Variants in MCPH1 observed in about 807,000 individuals in gnomAD.
The protein encoded by MCPH1 is microcephalin.
Under a neutral mutation model 84.5 loss-of-function variants are expected in MCPH1, and 104 were observed. The observed-to-expected ratio is 1.23, with a 90% CI of 1.05 to 1.45. MCPH1 has a LOEUF of 1.45. MCPH1 is among the 40% of genes most tolerant of loss of function. The probability of loss-of-function intolerance (pLI) is 0.00; values close to 1 mark genes in which losing one functional copy is unlikely to be tolerated. For synonymous variants in MCPH1, 514 were observed against 366.8 expected (o/e 1.40, Z -4.58); for missense variants, 1,498 against 1,005.7 (o/e 1.49, Z -6.62).
chr8:6,604,159 T>C (rs1382317840), intron 12 of MCPH1, among the ~76,000 whole-genome samples: 2 of 151,074 alleles, frequency 1.3e-5, no homozygotes, highest in Admixed American at 1.3e-4. Flanking sequence ...GCCCCCATGC[T>C]GTCATAGGCC....
intron 9 of MCPH1, among the ~76,000 whole-genome samples, chr8:6,464,638 AG>A (rs1806650101): frequency 6.6e-6 from 1 of 152,166 alleles, no homozygotes; most frequent in African/African-American, 2.4e-5. Flanking sequence ...CCACCGACGG[AG>A]GACATTTCCC....
chr8:6,423,185 C>CTTTTTTTTTTTTTTTT, intron 3 of MCPH1, among the ~76,000 whole-genome samples: 1 of 110,786 alleles, frequency 9.0e-6, no homozygotes, highest in Non-Finnish European at 1.9e-5. Flanking sequence ...TTTTTCTTTT[C>CTTTTTTTTTTTTTTTT]TTTTCTTTTT....
intron 12 of MCPH1, chr8:6,520,031 T>G (rs945918287): frequency 3.0e-5 from 48 of 1,606,634 alleles, no homozygotes; most frequent in Admixed American, 1.0e-4. Flanking sequence ...ACGGAGTTCA[T>G]GAAAAGACAA....
chr8:6,491,308 T>C (rs943521091), intron 11 of MCPH1, among the ~76,000 whole-genome samples: 2 of 151,322 alleles, frequency 1.3e-5, no homozygotes, highest in African/African-American at 2.4e-5. Context: ...TCCAGAATAA[T>C]GTCTCACTTA....
At chr8:6,422,114 A>T (rs1273615188) in intron 3 of MCPH1, among the ~76,000 whole-genome samples, 1 of 152,154 alleles carries the variant, frequency 6.6e-6, no homozygotes, top group Non-Finnish European at 1.5e-5. Context: ...TGACTGCTTT[A>T]TCTGTCTGTG....
chr8:6,558,277 G>C (rs867042344), intron 12 of MCPH1, among the ~76,000 whole-genome samples: 1 of 152,140 alleles, frequency 6.6e-6, no homozygotes, highest in African/African-American at 2.4e-5. Flanking sequence ...GGAAGACTGG[G>C]GAAAGAGAAT....
chr8:6,449,208 GA>G (rs1386330779), intron 8 of MCPH1, among the ~76,000 whole-genome samples: 2 of 152,212 alleles, frequency 1.3e-5, no homozygotes, highest in Non-Finnish European at 2.9e-5. Context: ...TTGCTTAGAA[GA>G]CGCTGATGGA....
intron 13 of MCPH1, among the ~76,000 whole-genome samples, chr8:6,638,118 TCA>T (rs1797688812): frequency 6.7e-6 from 1 of 149,862 alleles, no homozygotes; most frequent in East Asian, 2.1e-4. Flanking sequence ...CAGATGAAAA[TCA>T]CACAGCAGGC....
chr8:6,460,611 C>G (rs1262121564), intron 9 of MCPH1, among the ~76,000 whole-genome samples: 1 of 152,094 alleles, frequency 6.6e-6, no homozygotes, highest in Non-Finnish European at 1.5e-5. Flanking sequence ...TTTGAAATAA[C>G]TCCCTTTTCT....
Position 6,431,494 on chromosome 8 carries a change from T to C in MCPH1, c.234-5T>C. The stretch of plus-strand genomic sequence containing the variant: ...TCATTAGACTACCTTAATTTAATTA[T>C]ACAGATGCAGGACAGCTGGAGCACA... On this transcript the variant is annotated splice_region_variant and splice_polypyrimidine_tract_variant and intron_variant, in intron 3 of 13. Transcript: ENST00000344683. 4 of 1,610,280 alleles carry C rather than the reference T, an allele frequency of 2.5e-6. No individual in the cohort carries two copies. The highest frequency in any genetic ancestry group is 3.4e-6 in the Non-Finnish European group (4 of 1,176,722).
intron 12 of MCPH1, chr8:6,520,136 AG>A (rs1817036583): frequency 1.1e-6 from 1 of 889,650 alleles, no homozygotes; most frequent in South Asian, 2.4e-5. Flanking sequence ...TAACCTTTCT[AG>A]AAAGTTTCCT....
chr8:6,458,462 A>AC (rs1805931527), intron 9 of MCPH1, among the ~76,000 whole-genome samples: 1 of 134,796 alleles, frequency 7.4e-6, no homozygotes, highest in African/African-American at 3.0e-5. Context: ...ACAGAGTGAG[A>AC]CTCCTTCTCA....
chr8:6,565,514 C>T (rs768248453), intron 12 of MCPH1, among the ~76,000 whole-genome samples: 5 of 152,162 alleles, frequency 3.3e-5, no homozygotes, highest in Non-Finnish European at 5.9e-5. Context: ...TCTTGCTTGG[C>T]CTCCCAAAGT....
At chr8:6,533,447 C>T (rs1819908981) in intron 12 of MCPH1, among the ~76,000 whole-genome samples, 1 of 152,058 alleles carries the variant, frequency 6.6e-6, no homozygotes, top group African/African-American at 2.4e-5. Context: ...CTTTTGGGAC[C>T]CTAGTTTCCT....
At position 6,423,268 on chromosome 8, in the gene MCPH1, C is replaced by G. The variant is rs535392209; in HGVS notation, c.234-8231C>G. ...GCAGTGGTGCAATCTTGGCTCACTGCATTCTCCTGCCTCAGCCTCCTGAGT... is the reference window on the plus strand; with the variant it reads ...GCAGTGGTGCAATCTTGGCTCACTGGATTCTCCTGCCTCAGCCTCCTGAGT... On this transcript the variant is annotated intron_variant, in intron 3 of 13. Coordinates refer to ENST00000344683, the MANE Select transcript of MCPH1 (RefSeq NM_024596.5). Among the ~76,000 whole-genome samples, 3 of 143,212 alleles carry G rather than the reference C, an allele frequency of 2.1e-5. No homozygotes were observed. The South Asian group carries it at 6.6e-4, about 31-fold the overall frequency. The allele number at this position is 143,212 out of a possible 152,430, so 94.0% of individuals were successfully genotyped here. A position where few individuals can be genotyped will look rare whatever the true frequency, so the allele number is the denominator to read the frequency against.
chr8:6,470,797 C>T, intron 9 of MCPH1, among the ~76,000 whole-genome samples: 1 of 152,168 alleles, frequency 6.6e-6, no homozygotes, highest in African/African-American at 2.4e-5. Flanking sequence ...CCATTATAAG[C>T]TTTAGTAGAA....
chr8:6,591,484 G>C (rs1828451598), intron 12 of MCPH1, among the ~76,000 whole-genome samples: 3 of 152,162 alleles, frequency 2.0e-5, no homozygotes, highest in Admixed American at 2.0e-4. Context: ...TGGAATGAAT[G>C]GTCAGTGGAA....
chr8:6,478,817 G>C (rs914459610), intron 10 of MCPH1, among the ~76,000 whole-genome samples: 1 of 151,882 alleles, frequency 6.6e-6, no homozygotes, highest in African/African-American at 2.4e-5. Context: ...ACACATTCTC[G>C]GGTTGAAGTA....
Position 6,480,726 on chromosome 8 carries a change from C to T in MCPH1, c.1986C>T (p.Val662=), listed in dbSNP as rs754730567. The T allele has an allele frequency of 2.8e-5, 45 of 1,613,998 alleles. No homozygotes were observed. Among genetic ancestry groups the T allele is most frequent in the East Asian group, 8.9e-5 (4 of 44,890 alleles). ...CCCGATTTGACAGAAAGCAGAATGT[C>T]GTCATCCAGGTTGTGGATAAATTGA... is the stretch of plus-strand genomic sequence containing the variant. ...MTSMPSEKQN[V]VIQVVDKLKG... is the part of the protein sequence containing the mutation. The change falls in exon 11 of 14, where the codon GTC becomes GTT. Residue 662 remains valine (V), a synonymous_variant. Transcript: ENST00000344683.
Sources: allele counts gnomAD v4.1 joint callset (sites outside exome capture counted in the v4.1 genomes callset), GRCh38; gene constraint gnomAD v4.1.1; transcripts MANE v1.5; gene names NCBI Gene and HGNC (gene_info 2026-07-23, HGNC 2026-07-21).